IPO9: variants seen among roughly 807,000 people sequenced by gnomAD.
IPO9 encodes importin-9.
A neutral mutation model predicts 128.6 loss-of-function variants in IPO9; 28 were observed. The observed-to-expected ratio is 0.22, with a 90% CI of 0.16 to 0.30. The LOEUF is 0.30. Ranked by LOEUF, IPO9 falls within the 10% of genes least tolerant of loss-of-function variation. The pLI is 1.00. For missense variants in IPO9, 935 were observed against 1,293.9 expected, an observed-to-expected ratio of 0.72 and a Z score of 4.26; for synonymous variants, 455 against 475.8, an observed-to-expected ratio of 0.96 and a Z score of 0.57.
intron 15 of IPO9, among the ~76,000 whole-genome samples, chr1:201,867,226 G>A (rs1000618567): frequency 4.6e-5 from 7 of 152,174 alleles, no homozygotes; most frequent in Non-Finnish European, 1.0e-4. Flanking sequence ...TAATAAGCAA[G>A]AGACATAATT....
rs1213095044 is a variant in IPO9, at chr1:201,877,556, GTAGTGCCCACATC to G, written c.*1504_*1516del. ...TGAAACCTGTGTTCCCCTTTTTTTG[GTAGTGCCCACATC>G]TGGTGCCCCATTTTTAATAACCACA... On this transcript the variant is annotated 3_prime_UTR_variant, in exon 24 of 24. Coordinates refer to ENST00000361565, the MANE Select transcript of IPO9 (RefSeq NM_018085.5). 6.6e-6 allele frequency: 1 copy of G among 151,632 alleles called. No individual in the cohort carries two copies. Among genetic ancestry groups the G allele is most frequent in the East Asian group, 1.9e-4 (1 of 5,132 alleles). 9.4% of individuals were successfully genotyped at this position (151,632 alleles called of 1,614,324 possible). A position where few individuals can be genotyped will look rare whatever the true frequency, so the allele number is the denominator to read the frequency against.
chr1:201,845,022 GGGA>G (rs1558217345), intron 1 of IPO9, among the ~76,000 whole-genome samples: 4 of 137,804 alleles, frequency 2.9e-5, no homozygotes, highest in Non-Finnish European at 5.0e-5. Flanking sequence ...TATTTTTTTT[GGGA>G]GGGGGGGGCG....
In IPO9 at chr1:201,879,958, G is replaced by A. The variant is rs989731626; in HGVS notation, c.*3904G>A. On this transcript the variant is annotated 3_prime_UTR_variant, in exon 24 of 24. Coordinates refer to ENST00000361565, the MANE Select transcript of IPO9 (RefSeq NM_018085.5). Reference sequence around the variant, plus strand: ...GGAGGCTGAGGCGGGAGAATCACTTGAACCTGGGAGACAGAGGTTGCAGTG... The same window carrying A: ...GGAGGCTGAGGCGGGAGAATCACTTAAACCTGGGAGACAGAGGTTGCAGTG... The A allele has an allele frequency of 1.3e-5, 2 of 152,224 alleles. No individual in the cohort carries two copies. Among genetic ancestry groups the A allele is most frequent in the Non-Finnish European group, 2.9e-5 (2 of 68,054 alleles). The allele number at this position is 152,224 out of a possible 1,614,324, so 9.4% of individuals were successfully genotyped here. A position where few individuals can be genotyped will look rare whatever the true frequency, so the allele number is the denominator to read the frequency against.
chr1:201,851,915 C>T (rs1295027274), intron 4 of IPO9, among the ~76,000 whole-genome samples, 189 bp from the exon 5 acceptor site: 1 of 151,914 alleles, frequency 6.6e-6, no homozygotes, highest in Non-Finnish European at 1.5e-5. Flanking sequence ...ATTATTCTTT[C>T]TCCTTCTAAC....
intron 14 of IPO9, 112 bp from the exon 15 acceptor site, chr1:201,866,621 T>C: frequency 1.3e-6 from 1 of 755,452 alleles, no homozygotes. Flanking sequence ...AACCTAACTT[T>C]AGAATTAGCT....
At chr1:201,837,374 A>G (rs1204604653) in intron 1 of IPO9, among the ~76,000 whole-genome samples, 1 of 152,136 alleles carries the variant, frequency 6.6e-6, no homozygotes, top group East Asian at 1.9e-4. Flanking sequence ...ATGAGAAAGG[A>G]CCCTTAAGCT....
At position 201,860,272 on chromosome 1, in the gene IPO9, A is replaced by G. The variant is rs114386467; in HGVS notation, c.1468+1278A>G. On this transcript the variant is annotated intron_variant, in intron 13 of 23. Coordinates refer to ENST00000361565, the MANE Select transcript of IPO9 (RefSeq NM_018085.5). ...CTCTGTGATTTTAAATAGGTAATCT[A>G]TTATCGGGTGTCTCAGTCCATCACT... Among the ~76,000 whole-genome samples the G allele has an allele frequency of 2.0e-3, 302 of 152,338 alleles. 2 individuals carry two copies. The highest frequency in any genetic ancestry group is 7.0e-3 in the African/African-American group (291 of 41,582).
intron 1 of IPO9, among the ~76,000 whole-genome samples, chr1:201,842,069 C>T (rs1400740517): frequency 2.0e-5 from 3 of 152,040 alleles, no homozygotes; most frequent in Non-Finnish European, 2.9e-5. Flanking sequence ...TCAGATCCTA[C>T]AGATTGAAAG....
rs1680855229 is a variant in IPO9 at position 201,880,004 on chromosome 1, A to C, written c.*3950A>C. On this transcript the variant is annotated 3_prime_UTR_variant, in exon 24 of 24. Transcript: ENST00000361565. ...CAGTGAGTCGAGATCACACCATTGC[A>C]CTCCAGCCTGGGCAACAGAGCAAGA... 1 of 152,128 alleles carries C rather than the reference A, an allele frequency of 6.6e-6. No homozygotes were observed. 9.4% of individuals were successfully genotyped at this position (152,128 alleles called of 1,614,324 possible).
At chr1:201,848,815 A>G (rs550990922) in intron 4 of IPO9, among the ~76,000 whole-genome samples, 3 of 152,316 alleles carry the variant, frequency 2.0e-5, no homozygotes, top group Non-Finnish European at 2.9e-5. Flanking sequence ...TACCACTTAC[A>G]GATACAGTAT....
intron 1 of IPO9, among the ~76,000 whole-genome samples, chr1:201,845,847 G>A (rs1348453298): frequency 1.3e-5 from 2 of 152,210 alleles, no homozygotes; most frequent in African/African-American, 4.8e-5. Context: ...TACAATGTGA[G>A]ATGTAAAAAT....
At chr1:201,867,587 G>A (rs1038763619) in intron 15 of IPO9, among the ~76,000 whole-genome samples, 1 of 151,836 alleles carries the variant, frequency 6.6e-6, no homozygotes, top group Non-Finnish European at 1.5e-5. Flanking sequence ...AGAAAAGCAT[G>A]TATGTATAGA....
intron 10 of IPO9, among the ~76,000 whole-genome samples, chr1:201,856,879 G>A (rs1680338765): frequency 6.6e-6 from 1 of 151,980 alleles, no homozygotes; most frequent in Admixed American, 6.6e-5. Context: ...TAGAGGTGGG[G>A]TCTCACTATG....
At chr1:201,853,922 G>A (rs1427898559) in intron 6 of IPO9, among the ~76,000 whole-genome samples, 2 of 152,176 alleles carry the variant, frequency 1.3e-5, no homozygotes, top group African/African-American at 2.4e-5. Flanking sequence ...TTTTGCAGTA[G>A]AGACAGGGTT....
chr1:201,871,736 G>A (rs544212596), intron 19 of IPO9, among the ~76,000 whole-genome samples: 1 of 151,788 alleles, frequency 6.6e-6, no homozygotes, highest in Admixed American at 6.6e-5. Flanking sequence ...ATTTTTGTTT[G>A]ACATTTCAAA....
intron 6 of IPO9, 89 bp from the exon 7 acceptor site, chr1:201,854,506 G>A: frequency 6.6e-7 from 1 of 1,509,748 alleles, no homozygotes; most frequent in East Asian, 2.3e-5. Flanking sequence ...AGAGCTTTAG[G>A]TGCCTTTCAA....
At position 201,880,769 on chromosome 1, in the gene IPO9, T is replaced by C. The variant is rs893517596; in HGVS notation, c.*4715T>C. On this transcript the variant is annotated 3_prime_UTR_variant, in exon 24 of 24. Transcript: ENST00000361565. ...CATAATGATGGTTTGACTTCCAGTT[T>C]TTCAACTTTAGGATTGTGCAAAAGC... 2 of 152,224 alleles carry C rather than the reference T, an allele frequency of 1.3e-5. No individual in the cohort carries two copies. Among genetic ancestry groups the C allele is most frequent in the African/African-American group, 4.8e-5 (2 of 41,450 alleles). 9.4% of individuals were successfully genotyped at this position (152,224 alleles called of 1,614,324 possible).
rs1356771292 is a variant in IPO9 at position 201,880,307 on chromosome 1, TCAGTC to T, written c.*4254_*4258del. 1.3e-5 allele frequency: 2 copies of T among 152,222 alleles called. No individual in the cohort carries two copies. Among genetic ancestry groups the T allele is most frequent in the Non-Finnish European group, 2.9e-5 (2 of 68,042 alleles). 9.4% of individuals were successfully genotyped at this position (152,222 alleles called of 1,614,324 possible). A position where few individuals can be genotyped will look rare whatever the true frequency, so the allele number is the denominator to read the frequency against. Reference sequence around the variant, plus strand: ...GTCTAGGGTAGTGTGGAAGGTCCTTTCAGTCTTCCTGTGCCTATCAGTGATCCTCA... The same window carrying T: ...GTCTAGGGTAGTGTGGAAGGTCCTTTTTCCTGTGCCTATCAGTGATCCTCA... On this transcript the variant is annotated 3_prime_UTR_variant, in exon 24 of 24. Coordinates refer to ENST00000361565, the MANE Select transcript of IPO9 (RefSeq NM_018085.5).
chr1:201,874,120 G>T, intron 20 of IPO9, 130 bp from the exon 21 acceptor site: 2 of 883,742 alleles, frequency 2.3e-6, no homozygotes, highest in Non-Finnish European at 3.6e-6. Context: ...TTGGAGACTG[G>T]ATATAGTCAG....
Sources: gnomAD v4.1 joint callset for allele counts (sites outside exome capture counted in the v4.1 genomes callset) on GRCh38, gnomAD v4.1.1 for gene constraint, MANE v1.5 for transcripts, NCBI Gene and HGNC (gene_info 2026-07-23, HGNC 2026-07-21) for gene names.